Variants in USP32 observed in about 807,000 individuals in gnomAD.
USP32 encodes ubiquitin specific peptidase 32.
A neutral mutation model predicts 204.8 loss-of-function variants in USP32; 59 were observed. The observed-to-expected ratio is 0.29, with a 90% CI of 0.23 to 0.36. USP32 has a LOEUF of 0.36. Among genes scored for constraint, USP32 ranks in the 10% least tolerant of loss-of-function variants. The probability of loss-of-function intolerance (pLI) is 1.00; values close to 1 mark genes in which losing one functional copy is unlikely to be tolerated. For synonymous variants in USP32, 517 were observed against 678.4 expected (o/e 0.76, Z 3.70); for missense variants, 1,160 against 1,946.4 (o/e 0.60, Z 7.60).
At chr17:60,311,631 T>G (rs1313684788) in intron 2 of USP32, among the ~76,000 whole-genome samples, 4 of 152,192 alleles carry the variant, frequency 2.6e-5, no homozygotes, top group Non-Finnish European at 5.9e-5. Flanking sequence ...GAAACCAGCC[T>G]GGCCAACATG....
rs2145329559 is a variant in USP32, at chr17:60,177,403, A to G, written c.*1852T>C. 6.6e-6 allele frequency among the ~76,000 whole-genome samples: 1 copy of G among 152,358 alleles called. No individual in the cohort carries two copies. Among genetic ancestry groups the G allele is most frequent in the Middle Eastern group, 3.4e-3 (1 of 294 alleles). ...TCTTTCTAAAGTCAGTGCATTGTCA[A>G]CAAGTTTTATACAGTAATTTACAAG... On this transcript the variant is annotated 3_prime_UTR_variant, in exon 34 of 34. Transcript: ENST00000300896.
chr17:60,228,512 T>A (rs1415365943), intron 12 of USP32, among the ~76,000 whole-genome samples: 1 of 151,028 alleles, frequency 6.6e-6, no homozygotes, highest in Non-Finnish European at 1.5e-5. Flanking sequence ...TTTTTTTTTT[T>A]TTTTTTAATT....
chr17:60,421,594 G>C (rs1228290103), intron 1 of USP32: 1 of 983,840 alleles, frequency 1.0e-6, no homozygotes, highest in Non-Finnish European at 1.2e-6. Flanking sequence ...AGGAAACTGC[G>C]GGGGCAACGG....
chr17:60,389,315 G>A lies in USP32; in HGVS notation c.58+2567C>T, dbSNP rs61680810. ...CCAGCACTTTGGAAGGCCGAGGCTG[G>A]TGGATCACCTGTGGTTGAGAGTTTG... On this transcript the variant is annotated intron_variant, in intron 1 of 33. Transcript: ENST00000300896. 2.2e-3 allele frequency among the ~76,000 whole-genome samples: 332 copies of A among 152,284 alleles called. 1 individual carries two copies. Among genetic ancestry groups the A allele is most frequent in the African/African-American group, 7.5e-3 (310 of 41,548 alleles).
In USP32 at chr17:60,179,234, C is replaced by T. The variant is rs752773156; in HGVS notation, c.*21G>A. Reference sequence around the variant, plus strand: ...GTCATCTCCCTCACCGCCAAGCTGTCTAGCAGCCAGAGTGGTAGCTTTACT... The same window carrying T: ...GTCATCTCCCTCACCGCCAAGCTGTTTAGCAGCCAGAGTGGTAGCTTTACT... On this transcript the variant is annotated 3_prime_UTR_variant, in exon 34 of 34. Transcript: ENST00000300896. 6.2e-7 allele frequency: 1 copy of T among 1,609,042 alleles called. No individual in the cohort carries two copies. Among genetic ancestry groups the T allele is most frequent in the Non-Finnish European group, 8.5e-7 (1 of 1,176,224 alleles).
chr17:60,246,570 C>T (rs558900761), intron 11 of USP32, among the ~76,000 whole-genome samples: 3 of 152,010 alleles, frequency 2.0e-5, no homozygotes, highest in Admixed American at 6.6e-5. Flanking sequence ...GCAGTGGGAT[C>T]GCTGGATAAT....
At chr17:60,329,454 A>G (rs917358670) in intron 2 of USP32, among the ~76,000 whole-genome samples, 2 of 151,296 alleles carry the variant, frequency 1.3e-5, no homozygotes, top group African/African-American at 4.9e-5. Context: ...GCTTAAATTT[A>G]TTATCATTAT....
At chr17:60,222,620 A>T in intron 14 of USP32, 71 bp from the exon 15 acceptor site, 1 of 1,452,658 alleles carries the variant, frequency 6.9e-7, no homozygotes, top group Non-Finnish European at 9.4e-7. Context: ...CAATACCTAG[A>T]AACAGGAAAA....
upstream of USP32, among the ~76,000 whole-genome samples, chr17:60,394,446 A>G (rs2146152616): frequency 6.6e-6 from 1 of 152,318 alleles, no homozygotes; most frequent in East Asian, 1.9e-4. Flanking sequence ...GAGCAAATTA[A>G]TGTATCTCTT....
At chr17:60,407,880 C>T (rs1423871505) in intron 1 of USP32, among the ~76,000 whole-genome samples, 1 of 151,730 alleles carries the variant, frequency 6.6e-6, no homozygotes, top group East Asian at 1.9e-4. Context: ...GGCGGATTGC[C>T]TGAGGTCAGG....
At chr17:60,312,893 T>C (rs2087888341) in intron 2 of USP32, among the ~76,000 whole-genome samples, 1 of 152,160 alleles carries the variant, frequency 6.6e-6, no homozygotes, top group South Asian at 2.1e-4. Context: ...ATACATTAAG[T>C]ACTCATTTGC....
In USP32 at chr17:60,198,454, C is replaced by G; in HGVS notation, c.3250-10G>C. ...ACAGTTCTGTCCTCATCTGTATGTA[C>G]AAACAAGAGAATAGAGAGTTCAGAA... On this transcript the variant is annotated splice_polypyrimidine_tract_variant and intron_variant, in intron 26 of 33. Transcript: ENST00000300896. 6.2e-7 allele frequency: 1 copy of G among 1,613,242 alleles called. No homozygotes were observed. The highest frequency in any genetic ancestry group is 8.5e-7 in the Non-Finnish European group (1 of 1,179,750).
intron 11 of USP32, chr17:60,249,352 T>C (rs530620461): frequency 1.6e-4 from 29 of 178,336 alleles, no homozygotes; most frequent in Middle Eastern, 4.5e-3. Flanking sequence ...AGTTTGTGTA[T>C]AGCCTTGTAC....
intron 1 of USP32, among the ~76,000 whole-genome samples, chr17:60,385,205 C>T (rs1321061466): frequency 6.6e-6 from 1 of 152,270 alleles, no homozygotes; most frequent in East Asian, 1.9e-4. Context: ...CCTCGTGACC[C>T]CCGCCCCTGC....
chr17:60,252,667 G>A (rs1042022533), intron 10 of USP32, among the ~76,000 whole-genome samples: 1 of 151,906 alleles, frequency 6.6e-6, no homozygotes, highest in African/African-American at 2.4e-5. Context: ...CAAATCTCTA[G>A]GTAAGAAGGG....
intron 2 of USP32, among the ~76,000 whole-genome samples, chr17:60,312,422 TGTTGTC>T (rs1316156691): frequency 2.6e-5 from 4 of 152,056 alleles, no homozygotes; most frequent in Non-Finnish European, 4.4e-5. Flanking sequence ...TTGTTGTTGT[TGTTGTC>T]GTTGTCGTTG....
intron 17 of USP32, among the ~76,000 whole-genome samples, 160 bp from the exon 18 acceptor site, chr17:60,213,822 T>C (rs2085032685): frequency 6.6e-6 from 1 of 152,222 alleles, no homozygotes. Context: ...ATTTATAACT[T>C]AGGTGGCAGT....
At chr17:60,330,826 C>T (rs887395747) in intron 2 of USP32, among the ~76,000 whole-genome samples, 2 of 152,094 alleles carry the variant, frequency 1.3e-5, no homozygotes, top group African/African-American at 4.8e-5. Context: ...AGACAGAGTT[C>T]CAAATTTATC....
chr17:60,417,865 C>T (rs1219667850), intron 1 of USP32, among the ~76,000 whole-genome samples: 1 of 152,062 alleles, frequency 6.6e-6, no homozygotes, highest in Middle Eastern at 3.2e-3. Context: ...TCGAAGCTCA[C>T]TGCAACCTCT....
Sources: gnomAD v4.1 joint callset for allele counts (sites outside exome capture counted in the v4.1 genomes callset) on GRCh38, gnomAD v4.1.1 for gene constraint, MANE v1.5 for transcripts, NCBI Gene and HGNC (gene_info 2026-07-23, HGNC 2026-07-21) for gene names.